Variants in SNX3 observed in about 807,000 individuals in gnomAD.
SNX3 encodes the protein sorting nexin 3, also known as sorting nexin-3.
Under a neutral mutation model 17.7 loss-of-function variants are expected in SNX3, and 5 were observed. The ratio of observed to expected loss-of-function variants is 0.28; its 90% CI spans 0.15 to 0.59. SNX3 has a LOEUF of 0.59. SNX3 is among the 20% of genes least tolerant of loss of function. SNX3 has a pLI of 0.88. For synonymous variants in SNX3, 91 were observed against 76.5 expected, an observed-to-expected ratio of 1.19 and a Z score of -0.99; for missense variants, 132 against 206.8, an observed-to-expected ratio of 0.64 and a Z score of 2.22.
intron 1 of SNX3, among the ~76,000 whole-genome samples, chr6:108,254,397 C>A (rs867448672): frequency 6.6e-6 from 1 of 151,984 alleles, no homozygotes; most frequent in Non-Finnish European, 1.5e-5. Context: ...CCCAGGAGGT[C>A]GAGGCTACAA....
intron 1 of SNX3, among the ~76,000 whole-genome samples, chr6:108,257,829 T>C (rs1776074597): frequency 6.6e-6 from 1 of 151,976 alleles, no homozygotes; most frequent in Admixed American, 6.5e-5. Context: ...CTGGGCGTGG[T>C]GGCGCGTGCC....
chr6:108,229,669 CA>C (rs1262011140), intron 1 of SNX3, among the ~76,000 whole-genome samples: 1 of 152,156 alleles, frequency 6.6e-6, no homozygotes, highest in African/African-American at 2.4e-5. Flanking sequence ...TGGCCTCAGC[CA>C]GGACTCTTTT....
Position 108,260,828 on chromosome 6 carries a change from C to A in SNX3, c.94G>T (p.Asp32Tyr). 1 of 1,613,858 alleles carries A rather than the reference C, an allele frequency of 6.2e-7. No homozygotes were observed. Among genetic ancestry groups the A allele is most frequent in the Non-Finnish European group, 8.5e-7 (1 of 1,179,854 alleles). Residue 32 changes from aspartate (D) to tyrosine (Y), a missense_variant, in exon 1 of 4, where the codon GAT (aspartate) becomes TAT (tyrosine). Around this residue, in one of 2 missense-constraint regions of SNX3, gnomAD observed 78 missense variants for 88.8 expected, o/e 0.88. Coordinates refer to ENST00000230085, the MANE Select transcript of SNX3 (RefSeq NM_003795.6). ...CCCACCGTTTGCGGGTTGCTCACATCGATCTCGAGGAAGTTGCTGGGGGGT... is the reference window on the plus strand; with the variant it reads ...CCCACCGTTTGCGGGTTGCTCACATAGATCTCGAGGAAGTTGCTGGGGGGT... Reference protein sequence around the residue: ...YGPPSNFLEIDVSNPQTVGVG... With the variant: ...YGPPSNFLEIYVSNPQTVGVG...
intron 2 of SNX3, among the ~76,000 whole-genome samples, chr6:108,221,532 CTTT>C (rs554429322): frequency 4.2e-3 from 241 of 57,678 alleles, no homozygotes; most frequent in Middle Eastern, 0.023. Context: ...CAGTATTACA[CTTT>C]TTTTTTTTTT....
At chr6:108,215,907 T>C (rs1030939763) in intron 2 of SNX3, among the ~76,000 whole-genome samples, 2 of 152,034 alleles carry the variant, frequency 1.3e-5, no homozygotes, top group African/African-American at 4.8e-5. Flanking sequence ...CCAGCCTAGG[T>C]GACAGCGAGA....
intron 1 of SNX3, among the ~76,000 whole-genome samples, chr6:108,238,798 T>C (rs986846963): frequency 2.0e-5 from 3 of 152,248 alleles, no homozygotes; most frequent in East Asian, 3.9e-4. Flanking sequence ...TCTTGACATG[T>C]TGCATGGGGT....
chr6:108,241,123 G>T (rs1015664522), intron 1 of SNX3, among the ~76,000 whole-genome samples: 1 of 118,110 alleles, frequency 8.5e-6, no homozygotes, highest in African/African-American at 3.2e-5. Flanking sequence ...GAGCCTGAGC[G>T]ATAGAGCAAG....
chr6:108,244,656 T>G (rs1244596955), intron 1 of SNX3, among the ~76,000 whole-genome samples: 1 of 144,468 alleles, frequency 6.9e-6, no homozygotes. Context: ...AGTTTTTTTT[T>G]TTTTTTTTTT....
At chr6:108,220,529 G>A (rs541173480) in intron 2 of SNX3, among the ~76,000 whole-genome samples, 2 of 152,276 alleles carry the variant, frequency 1.3e-5, no homozygotes, top group East Asian at 3.9e-4. Flanking sequence ...TATAGCCTAG[G>A]TGTGTAGTAG....
At chr6:108,250,690 C>G (rs974519323) in intron 1 of SNX3, among the ~76,000 whole-genome samples, 8 of 152,126 alleles carry the variant, frequency 5.3e-5, no homozygotes, top group African/African-American at 1.9e-4. Context: ...CTCTGTTTCT[C>G]AATATGGACG....
At chr6:108,237,656 G>A (rs1775390878) in intron 1 of SNX3, among the ~76,000 whole-genome samples, 1 of 152,112 alleles carries the variant, frequency 6.6e-6, no homozygotes, top group South Asian at 2.1e-4. Context: ...CAGGCATGGT[G>A]GTGAGCGCCT....
intron 1 of SNX3, among the ~76,000 whole-genome samples, chr6:108,224,890 A>G (rs952112200): frequency 6.6e-6 from 1 of 152,200 alleles, no homozygotes; most frequent in African/African-American, 2.4e-5. Context: ...TGTTCTTTTT[A>G]AGATTGCAAA....
chr6:108,214,824 T>C (rs1774514987), intron 2 of SNX3, among the ~76,000 whole-genome samples: 1 of 152,224 alleles, frequency 6.6e-6, no homozygotes, highest in Non-Finnish European at 1.5e-5. Context: ...CAAAAGCTCC[T>C]AATTCAAAGG....
At chr6:108,246,306 G>A (rs1000134691) in intron 1 of SNX3, among the ~76,000 whole-genome samples, 3 of 125,578 alleles carry the variant, frequency 2.4e-5, no homozygotes, top group Non-Finnish European at 4.9e-5. Flanking sequence ...AAAGAGCTTT[G>A]AGCATTCTTT....
chr6:108,235,763 G>C (rs560865700), intron 1 of SNX3, among the ~76,000 whole-genome samples: 1 of 152,266 alleles, frequency 6.6e-6, no homozygotes, highest in South Asian at 2.1e-4. Context: ...GGGCATGGTG[G>C]TGCATGCCTG....
Position 108,211,982 on chromosome 6 carries a change from A to G in SNX3, c.*167T>C. The G allele has an allele frequency of 1.9e-6, 1 of 532,316 alleles. No individual in the cohort carries two copies. The highest frequency in any genetic ancestry group is 3.3e-6 in the Non-Finnish European group (1 of 303,214). The allele number at this position is 532,316 out of a possible 1,614,324, so 33.0% of individuals were successfully genotyped here. A position where few individuals can be genotyped will look rare whatever the true frequency, so the allele number is the denominator to read the frequency against. ...GGAATGAGGGATTTTTACTAAAGCA[A>G]ATTAACTTCTTGTCAACTGCCAAAA... On this transcript the variant is annotated 3_prime_UTR_variant, in exon 4 of 4. Coordinates refer to ENST00000230085, the MANE Select transcript of SNX3 (RefSeq NM_003795.6).
chr6:108,259,345 G>A lies in SNX3; in HGVS notation c.162+1415C>T, dbSNP rs576781867. Among the ~76,000 whole-genome samples, 21 of 152,170 alleles carry A rather than the reference G, an allele frequency of 1.4e-4. No individual in the cohort carries two copies. In the South Asian group the frequency reaches 3.3e-3, roughly 24 times the overall value. ...GCCTCCCCAGTTCAAGAGATTCTCCGGCCTCAGCCTCCCGAGTAGCTGGGA... is the reference window on the plus strand; with the variant it reads ...GCCTCCCCAGTTCAAGAGATTCTCCAGCCTCAGCCTCCCGAGTAGCTGGGA... On this transcript the variant is annotated intron_variant, in intron 1 of 3. Transcript: ENST00000230085.
chr6:108,213,265 T>TA (rs1018949779), intron 3 of SNX3, among the ~76,000 whole-genome samples: 11 of 152,098 alleles, frequency 7.2e-5, no homozygotes, highest in Non-Finnish European at 1.2e-4. Context: ...CCCAAAATAC[T>TA]AAAAAAACAG....
intron 1 of SNX3, among the ~76,000 whole-genome samples, chr6:108,234,328 G>C (rs1405674573): frequency 6.6e-5 from 10 of 151,966 alleles, no homozygotes; most frequent in African/African-American, 2.4e-4. Context: ...CGAGGCGGGT[G>C]GATCACCTGA....
Sources: gnomAD v4.1 joint callset for allele counts (sites outside exome capture counted in the v4.1 genomes callset) on GRCh38, gnomAD v4.1.1 for gene constraint, gnomAD v4.1.1 regional missense constraint, MANE v1.5 for transcripts, NCBI Gene and HGNC (gene_info 2026-07-23, HGNC 2026-07-21) for gene names.